SMC6: variants seen among roughly 807,000 people sequenced by gnomAD.
SMC6 encodes structural maintenance of chromosomes protein 6.
In SMC6, 79 loss-of-function variants were observed where a neutral mutation model predicts 142.2. The observed-to-expected ratio is 0.56, with a 90% CI of 0.46 to 0.67. The LOEUF (loss-of-function observed/expected upper bound fraction) is 0.67. Among genes scored for constraint, SMC6 ranks in the 30% least tolerant of loss-of-function variants. The pLI, the probability that SMC6 is intolerant of heterozygous loss-of-function variation, is 0.00. For synonymous variants in SMC6, 411 were observed against 412.4 expected, an observed-to-expected ratio of 1.00 and a Z score of 0.04; for missense variants, 1,072 against 1,284.0, an observed-to-expected ratio of 0.83 and a Z score of 2.52.
At chr2:17,708,532 C>T (rs1285292870) in intron 17 of SMC6, 107 bp downstream of exon 17, 3 of 459,184 alleles carry the variant, frequency 6.5e-6, no homozygotes, top group Non-Finnish European at 1.1e-5. Flanking sequence ...AATAGTGAAA[C>T]ACATCAGCAA....
intron 25 of SMC6, among the ~76,000 whole-genome samples, chr2:17,671,004 G>A (rs916683275): frequency 6.6e-6 from 1 of 151,582 alleles, no homozygotes; most frequent in African/African-American, 2.4e-5. Context: ...TGGGACCACA[G>A]GAGTATGCCA....
intron 7 of SMC6, among the ~76,000 whole-genome samples, chr2:17,726,905 G>A (rs1478056139): frequency 6.6e-6 from 1 of 152,142 alleles, no homozygotes; most frequent in Non-Finnish European, 1.5e-5. Context: ...AACTTCCTAT[G>A]TAGCCTTGGA....
chr2:17,745,172 T>A (rs944434674), intron 3 of SMC6, among the ~76,000 whole-genome samples: 7 of 152,180 alleles, frequency 4.6e-5, no homozygotes, highest in Non-Finnish European at 1.0e-4. Context: ...GTTTTACAGT[T>A]TGCTTTTTTG....
At position 17,725,862 on chromosome 2, in the gene SMC6, T is replaced by C. The variant is rs370656540; in HGVS notation, c.625-504A>G. On this transcript the variant is annotated intron_variant, in intron 8 of 27. Coordinates refer to ENST00000448223, the MANE Select transcript of SMC6 (RefSeq NM_001142286.2). ...CAGCACTTTGGTAGGCCAAAGCAGG[T>C]GGATCACTTGAGGCCAGGATTTTGA... Among the ~76,000 whole-genome samples the C allele has an allele frequency of 2.6e-5, 4 of 152,020 alleles. No individual in the cohort carries two copies. In the South Asian group the frequency reaches 6.2e-4, roughly 24 times the overall value.
At chr2:17,713,849 T>A (rs747872695) in intron 16 of SMC6, among the ~76,000 whole-genome samples, 2 of 152,204 alleles carry the variant, frequency 1.3e-5, no homozygotes, top group Non-Finnish European at 2.9e-5. Flanking sequence ...GCAATTAACT[T>A]TTTCTATCAC....
intron 23 of SMC6, among the ~76,000 whole-genome samples, chr2:17,692,991 C>T (rs1445905470): frequency 2.0e-5 from 3 of 152,158 alleles, no homozygotes; most frequent in Non-Finnish European, 4.4e-5. Flanking sequence ...AAATGCAAAT[C>T]AAAACCACAA....
Position 17,737,327 on chromosome 2 carries a change from G to A in SMC6, c.344+894C>T, listed in dbSNP as rs553807852. Among the ~76,000 whole-genome samples, 10 of 152,286 alleles carry A rather than the reference G, an allele frequency of 6.6e-5. No homozygotes were observed. The South Asian group carries it at 1.9e-3, about 28-fold the overall frequency. ...GAGCAGAAGGAAAAGTCTACTGAAT[G>A]AGAAAAAAGATATTAGTGTTAATTA... is the stretch of plus-strand genomic sequence containing the variant. On this transcript the variant is annotated intron_variant, in intron 5 of 27. Coordinates refer to ENST00000448223, the MANE Select transcript of SMC6 (RefSeq NM_001142286.2).
At chr2:17,730,748 G>A (rs1282943627) in intron 7 of SMC6, among the ~76,000 whole-genome samples, 9 of 150,752 alleles carry the variant, frequency 6.0e-5, no homozygotes, top group South Asian at 2.1e-4. Flanking sequence ...GATTACAGGC[G>A]CCCGCCACCA....
In SMC6 at chr2:17,731,111, C is replaced by A. The variant is rs1558370701; in HGVS notation, c.510G>T (p.Glu170Asp). The change falls in exon 7 of 28, where the codon GAG becomes GAT. Residue 170 changes from glutamate (E) to aspartate (D), a missense_variant. By Grantham distance (45) the Glu-to-Asp change is conservative. This residue lies in a region of SMC6 where 994 missense variants were observed against 1,153.2 expected (regional missense o/e 0.86). Transcript: ENST00000448223. ...TGSVVSTRKE[E>D]LIAILDHFNI... ...TAAAATGATCAAGAATTGCAATCAG[C>A]TCTTCTTTCCTCGTGGAAACCACGG... 6.2e-7 allele frequency: 1 copy of A among 1,612,684 alleles called. No homozygotes were observed. The highest frequency in any genetic ancestry group is 1.3e-5 in the African/African-American group (1 of 74,974).
rs143171515 is a variant in SMC6, at chr2:17,746,671, A to T, written c.-5-720T>A. On this transcript the variant is annotated intron_variant, in intron 2 of 27. Coordinates refer to ENST00000448223, the MANE Select transcript of SMC6 (RefSeq NM_001142286.2). ...AAACCTAGAAAATTAACATCTTTTAAATTACACATGATTTTGCTAAACATA... is the reference window on the plus strand; with the variant it reads ...AAACCTAGAAAATTAACATCTTTTATATTACACATGATTTTGCTAAACATA... Among the ~76,000 whole-genome samples the T allele has an allele frequency of 5.3e-3, 815 of 152,340 alleles. 13 individuals are homozygous for T. The highest frequency in any genetic ancestry group is 0.018 in the African/African-American group (769 of 41,582).
At chr2:17,727,124 T>C (rs1031828745) in intron 7 of SMC6, among the ~76,000 whole-genome samples, 1 of 152,216 alleles carries the variant, frequency 6.6e-6, no homozygotes, top group African/African-American at 2.4e-5. Context: ...ACGTGATGGT[T>C]ATTACTGAGT....
intron 7 of SMC6, among the ~76,000 whole-genome samples, chr2:17,729,059 A>G (rs1049664667): frequency 1.3e-5 from 2 of 152,168 alleles, no homozygotes; most frequent in African/African-American, 4.8e-5. Context: ...CCACACAAAC[A>G]ATTTTAAATG....
rs1454581045 is a variant in SMC6, at chr2:17,717,148, T to C, written c.1121A>G (p.Tyr374Cys). The change falls in exon 13 of 28, where the codon TAT becomes TGT. Residue 374 changes from tyrosine to cysteine, a missense_variant. Tyr to Cys is a radical substitution (Grantham distance 194, BLOSUM62 -2). Transcript: ENST00000448223. ...EVLYNRSLNE[Y>C]KALKKDDEQL... ...CTCATCATCTTTCTTTAATGCTTTA[T>C]ATTCGTTTAAGGATCGGTTATATAA... 35 of 1,611,116 alleles carry C rather than the reference T, an allele frequency of 2.2e-5. No homozygotes were observed. The highest frequency in any genetic ancestry group is 2.9e-5 in the Non-Finnish European group (34 of 1,179,338).
At position 17,706,223 on chromosome 2, in the gene SMC6, G is replaced by A. The variant is rs140809157; in HGVS notation, c.2006+996C>T. Among the ~76,000 whole-genome samples, 1,010 of 152,138 alleles carry A rather than the reference G, an allele frequency of 6.6e-3. 4 individuals carry two copies. Among genetic ancestry groups the A allele is most frequent in the Non-Finnish European group, 0.011 (727 of 67,960 alleles). The stretch of plus-strand genomic sequence containing the variant: ...CATTTTAACAATTCAAAAATTCACA[G>A]GTAATTTTTTTTATGAACCACGCTG... On this transcript the variant is annotated intron_variant, in intron 18 of 27. Coordinates refer to ENST00000448223, the MANE Select transcript of SMC6 (RefSeq NM_001142286.2).
chr2:17,704,957 T>TA (rs11361181), intron 18 of SMC6, among the ~76,000 whole-genome samples: 95 of 147,886 alleles, frequency 6.4e-4, no homozygotes, highest in South Asian at 2.2e-3. Flanking sequence ...GTAATTTTGC[T>TA]AAAAAAAAAA....
intron 23 of SMC6, among the ~76,000 whole-genome samples, chr2:17,690,807 T>C (rs1667670913): frequency 1.3e-5 from 2 of 152,062 alleles, no homozygotes; most frequent in African/African-American, 4.8e-5. Flanking sequence ...TAATTCTTTT[T>C]CTTGGGAAAT....
At position 17,721,339 on chromosome 2, in the gene SMC6, A is replaced by T. The variant is rs566333339; in HGVS notation, c.727-78T>A. The T allele has an allele frequency of 2.9e-6, 4 of 1,377,374 alleles. No individual in the cohort carries two copies. In the South Asian group the frequency reaches 6.5e-5, roughly 22 times the overall value. 85.3% of individuals were successfully genotyped at this position (1,377,374 alleles called of 1,614,324 possible). ...CATTTTTGCAAATCTATTTCTTTTA[A>T]AAACAATGCCTAAACAAGTACTACA... On this transcript the variant is annotated intron_variant, in intron 9 of 27. Transcript: ENST00000448223.
At chr2:17,735,431 G>A (rs1429072082) in intron 5 of SMC6, among the ~76,000 whole-genome samples, 1 of 152,212 alleles carries the variant, frequency 6.6e-6, no homozygotes, top group African/African-American at 2.4e-5. Context: ...TGATACAACT[G>A]CTCCTTCTCT....
intron 25 of SMC6, among the ~76,000 whole-genome samples, chr2:17,673,832 G>A (rs916307967): frequency 6.6e-6 from 1 of 151,836 alleles, no homozygotes; most frequent in African/African-American, 2.4e-5. Flanking sequence ...GCCTCCCAAA[G>A]TGCCGGGATT....
Sources: allele counts gnomAD v4.1 joint callset (sites outside exome capture counted in the v4.1 genomes callset), GRCh38; gene constraint gnomAD v4.1.1; regional missense constraint gnomAD v4.1.1; transcripts MANE v1.5; gene names NCBI Gene and HGNC (gene_info 2026-07-23, HGNC 2026-07-21).